LZTS1: variants seen among roughly 807,000 people sequenced by gnomAD.
The protein encoded by LZTS1 is leucine zipper putative tumor suppressor 1.
A neutral mutation model predicts 45.8 loss-of-function variants in LZTS1; 31 were observed. That is an observed-to-expected ratio of 0.68 (90% CI 0.51 to 0.91). The LOEUF (loss-of-function observed/expected upper bound fraction) is 0.91, where lower values mean the gene tolerates loss of function less well. Ranked by LOEUF, LZTS1 falls within the 40% of genes least tolerant of loss-of-function variation. The pLI is 0.00. For missense variants in LZTS1, 821 were observed against 788.9 expected, an observed-to-expected ratio of 1.04 and a Z score of -0.49; for synonymous variants, 359 against 357.3, an observed-to-expected ratio of 1.00 and a Z score of -0.05.
intron 1 of LZTS1, among the ~76,000 whole-genome samples, chr8:20,269,129 C>T (rs1043037129): frequency 4.6e-5 from 7 of 152,190 alleles, no homozygotes; most frequent in Non-Finnish European, 1.0e-4. Flanking sequence ...AAAGCTCATG[C>T]AAATTTCACC....
intron 1 of LZTS1, chr8:20,290,107 G>A (rs546066189): frequency 3.9e-5 from 6 of 152,316 alleles, no homozygotes; most frequent in East Asian, 1.9e-4. Flanking sequence ...CAAGCCATGC[G>A]AGCCCCGTGT....
chr8:20,265,131 G>A (rs1800321143), intron 1 of LZTS1, among the ~76,000 whole-genome samples: 1 of 152,110 alleles, frequency 6.6e-6, no homozygotes, highest in African/African-American at 2.4e-5. Context: ...TAGGTTGCCG[G>A]GCAGGGATCA....
chr8:20,294,288 C>T (rs1800946114), intron 1 of LZTS1, among the ~76,000 whole-genome samples: 1 of 152,238 alleles, frequency 6.6e-6, no homozygotes, highest in African/African-American at 2.4e-5. Flanking sequence ...AAGCCAAATG[C>T]CTGGTGCTTC....
intron 1 of LZTS1, among the ~76,000 whole-genome samples, chr8:20,273,403 T>A (rs962605672): frequency 1.3e-5 from 2 of 152,184 alleles, no homozygotes; most frequent in Non-Finnish European, 2.9e-5. Context: ...TCCTCTCCCC[T>A]GAGCTCCTGC....
At chr8:20,257,476 T>G (rs999904013) in intron 1 of LZTS1, among the ~76,000 whole-genome samples, 1 of 152,002 alleles carries the variant, frequency 6.6e-6, no homozygotes, top group African/African-American at 2.4e-5. Context: ...GGAGGAATGG[T>G]GGAAGGAAGG....
At position 20,255,292 on chromosome 8, in the gene LZTS1, A is replaced by G. The variant is rs747561269; in HGVS notation, c.-111T>C. 1 of 1,455,780 alleles carries G rather than the reference A, an allele frequency of 6.9e-7. No homozygotes were observed. Among genetic ancestry groups the G allele is most frequent in the African/African-American group, 1.4e-5 (1 of 70,648 alleles). 90.2% of individuals were successfully genotyped at this position (1,455,780 alleles called of 1,614,324 possible). On this transcript the variant is annotated 5_prime_UTR_variant, in exon 2 of 4. Coordinates refer to ENST00000381569, the MANE Select transcript of LZTS1 (RefSeq NM_021020.5). Reference sequence around the variant, plus strand: ...GGACTGAGGTCATAGCAAAGCCCTCACAGAGCCTGCGAGAGCCGTAGACCT... The same window carrying G: ...GGACTGAGGTCATAGCAAAGCCCTCGCAGAGCCTGCGAGAGCCGTAGACCT...
At chr8:20,250,499 A>G (rs1428120102) in intron 3 of LZTS1, 136 bp from the exon 4 acceptor site, 19 of 776,760 alleles carry the variant, frequency 2.4e-5, no homozygotes, top group South Asian at 1.5e-4. Context: ...CCTTTGTCCA[A>G]TCTGAAAGTA....
At chr8:20,284,530 A>C (rs1800752879) in intron 1 of LZTS1, among the ~76,000 whole-genome samples, 1 of 151,840 alleles carries the variant, frequency 6.6e-6, no homozygotes, top group Admixed American at 6.6e-5. Flanking sequence ...TGCACATTTC[A>C]CTTTTTTTTT....
chr8:20,282,175 TCA>T (rs1800705926), intron 1 of LZTS1, among the ~76,000 whole-genome samples: 1 of 152,214 alleles, frequency 6.6e-6, no homozygotes, highest in Admixed American at 6.5e-5. Flanking sequence ...GGCAATACCC[TCA>T]CTGGCACTTA....
At chr8:20,269,724 C>T (rs957258236) in intron 1 of LZTS1, among the ~76,000 whole-genome samples, 3 of 152,122 alleles carry the variant, frequency 2.0e-5, no homozygotes, top group African/African-American at 2.4e-5. Context: ...TTGGCAAATC[C>T]GACAACCCTA....
At chr8:20,295,542 C>G (rs1042719947) in intron 1 of LZTS1, among the ~76,000 whole-genome samples, 6 of 152,160 alleles carry the variant, frequency 3.9e-5, no homozygotes, top group African/African-American at 1.4e-4. Flanking sequence ...AGCCCTAGAC[C>G]ATTCCTAAGG....
chr8:20,301,872 G>A (rs1294859431), intron 1 of LZTS1, among the ~76,000 whole-genome samples: 1 of 152,118 alleles, frequency 6.6e-6, no homozygotes, highest in East Asian at 1.9e-4. Context: ...GGTTTACCTC[G>A]TGAAGCACAC....
chr8:20,252,802 G>A lies in LZTS1; in HGVS notation c.1129C>T (p.Leu377=). 1 of 1,527,236 alleles carries A rather than the reference G, an allele frequency of 6.5e-7. No individual in the cohort carries two copies. Among genetic ancestry groups the A allele is most frequent in the Non-Finnish European group, 8.8e-7 (1 of 1,136,572 alleles). 94.6% of individuals were successfully genotyped at this position (1,527,236 alleles called of 1,614,324 possible). Residue 377 remains leucine, a synonymous_variant, in exon 3 of 4, where the codon CTG becomes TTG. Coordinates refer to ENST00000381569, the MANE Select transcript of LZTS1 (RefSeq NM_021020.5). Reference sequence around the variant, plus strand: ...CTCACCTCCCACTGGGTCTCCTCCAGCGCGGGGCCGAAGCTGGTCTTCTCC... The same window carrying A: ...CTCACCTCCCACTGGGTCTCCTCCAACGCGGGGCCGAAGCTGGTCTTCTCC... The part of the protein sequence containing the change: ...EREKTSFGPA[L]EETQWEVCQK...
chr8:20,270,919 T>C (rs889314849), intron 1 of LZTS1, among the ~76,000 whole-genome samples: 1 of 151,570 alleles, frequency 6.6e-6, no homozygotes, highest in African/African-American at 2.4e-5. Context: ...AGGATTGGAA[T>C]TGAGGAAGCC....
At chr8:20,295,755 A>G (rs559529018) in intron 1 of LZTS1, among the ~76,000 whole-genome samples, 1 of 152,240 alleles carries the variant, frequency 6.6e-6, no homozygotes, top group Non-Finnish European at 1.5e-5. Flanking sequence ...TCCCATGGCT[A>G]ATGTCCTTTC....
intron 1 of LZTS1, among the ~76,000 whole-genome samples, chr8:20,263,699 G>A (rs73607959): frequency 0.079 from 11,983 of 152,020 alleles, 545 homozygotes; most frequent in African/African-American, 0.11. Context: ...TCCCCAAGAG[G>A]TGGGCGGACC....
chr8:20,273,426 A>G (rs995568780), intron 1 of LZTS1, among the ~76,000 whole-genome samples: 1 of 152,006 alleles, frequency 6.6e-6, no homozygotes. Context: ...TAAACATCCA[A>G]CTGCGCTTCC....
intron 1 of LZTS1, among the ~76,000 whole-genome samples, chr8:20,298,724 T>C (rs754439538): frequency 1.3e-5 from 2 of 152,058 alleles, no homozygotes; most frequent in Non-Finnish European, 2.9e-5. Flanking sequence ...ATTAGCCAGG[T>C]GTGTTGGTAT....
At position 20,252,891 on chromosome 8, in the gene LZTS1, TG is replaced by T. The variant is rs1393232019; in HGVS notation, c.1039del (p.Gln347ArgfsTer7). On this transcript the variant is annotated frameshift_variant, in exon 3 of 4. Coordinates refer to ENST00000381569, the MANE Select transcript of LZTS1 (RefSeq NM_021020.5). LOFTEE classifies it high-confidence loss of function. Reference sequence around the variant, plus strand: ...CTCCTTCATGAGGCTCTCGAGCTCCTGCCGGAGCTGCCGCTTCTCCTGCTGA... The same window carrying T: ...CTCCTTCATGAGGCTCTCGAGCTCCTCCGGAGCTGCCGCTTCTCCTGCTGA... ...QLQQEKRQLR[Q>X]ELESLMKEQD... The T allele has an allele frequency of 7.5e-6, 12 of 1,610,436 alleles. No individual in the cohort carries two copies. Among genetic ancestry groups the T allele is most frequent in the Non-Finnish European group, 1.0e-5 (12 of 1,178,964 alleles).
Sources: allele counts gnomAD v4.1 joint callset (sites outside exome capture counted in the v4.1 genomes callset), GRCh38; gene constraint gnomAD v4.1.1; transcripts MANE v1.5; gene names NCBI Gene and HGNC (gene_info 2026-07-23, HGNC 2026-07-21).